The following MAP2 variants were observed in gnomAD, a reference collection of about 807,000 sequenced individuals.
The protein encoded by MAP2 is microtubule-associated protein 2.
MAP2 carries 14 observed loss-of-function variants against 137.6 expected under a neutral mutation model. That is an observed-to-expected ratio of 0.10 (90% CI 0.07 to 0.16). MAP2 has a LOEUF of 0.16. MAP2 is among the 10% of genes least tolerant of loss of function. MAP2 has a pLI of 1.00. For missense variants in MAP2, 2,088 were observed against 2,191.5 expected (o/e 0.95, Z 0.94); for synonymous variants, 786 against 782.3 (o/e 1.00, Z -0.08).
intron 13 of MAP2, among the ~76,000 whole-genome samples, chr2:209,725,326 T>A (rs1456852801): frequency 6.6e-6 from 1 of 152,226 alleles, no homozygotes; most frequent in Non-Finnish European, 1.5e-5. Flanking sequence ...GTCACTTTTA[T>A]GTAAAAATCA....
At chr2:209,539,673 C>G (rs2066553637) in intron 2 of MAP2, among the ~76,000 whole-genome samples, 1 of 151,896 alleles carries the variant, frequency 6.6e-6, no homozygotes, top group African/African-American at 2.4e-5. Flanking sequence ...TATATTTACA[C>G]TTACTAGTAA....
At chr2:209,507,003 T>C (rs1057370254) in intron 1 of MAP2, among the ~76,000 whole-genome samples, 1 of 152,190 alleles carries the variant, frequency 6.6e-6, no homozygotes, top group African/African-American at 2.4e-5. Context: ...CGCCTTCATA[T>C]GGCAGGCAGA....
intron 3 of MAP2, among the ~76,000 whole-genome samples, chr2:209,601,465 T>C (rs1399602507): frequency 2.0e-5 from 3 of 152,184 alleles, no homozygotes; most frequent in African/African-American, 7.2e-5. Context: ...GTTTTAAAGA[T>C]ATTGAATAGT....
intron 5 of MAP2, among the ~76,000 whole-genome samples, chr2:209,656,405 A>G (rs1268919723): frequency 6.6e-6 from 1 of 152,064 alleles, no homozygotes; most frequent in Non-Finnish European, 1.5e-5. Context: ...GCTACTCAAG[A>G]GGCAAAGGTG....
At chr2:209,545,912 G>T (rs1032418343) in intron 2 of MAP2, among the ~76,000 whole-genome samples, 2 of 152,126 alleles carry the variant, frequency 1.3e-5, no homozygotes, top group African/African-American at 4.8e-5. Flanking sequence ...AGGCCGAGGC[G>T]GGCGGATCAT....
intron 3 of MAP2, among the ~76,000 whole-genome samples, chr2:209,587,101 T>C (rs2153421135): frequency 6.6e-6 from 1 of 152,298 alleles, no homozygotes; most frequent in South Asian, 2.1e-4. Context: ...CGTGGTTCTA[T>C]ATAACCCTGT....
At chr2:209,646,069 C>G (rs2094403012) in intron 4 of MAP2, among the ~76,000 whole-genome samples, 1 of 152,082 alleles carries the variant, frequency 6.6e-6, no homozygotes, top group Non-Finnish European at 1.5e-5. Flanking sequence ...GCTGTAGTCC[C>G]AGCTACTTAA....
At chr2:209,457,477 T>G (rs1052545213) in intron 1 of MAP2, among the ~76,000 whole-genome samples, 9 of 152,218 alleles carry the variant, frequency 5.9e-5, no homozygotes, top group African/African-American at 2.2e-4. Context: ...TAAGGAAGTT[T>G]ATTCAGTTTA....
rs1553701657 is a variant in MAP2 at position 209,733,492 on chromosome 2, A to ACACACC, written c.*3096_*3097insACACCC. On this transcript the variant is annotated 3_prime_UTR_variant, in exon 16 of 16. Coordinates refer to ENST00000682079, the MANE Select transcript of MAP2 (RefSeq NM_001375505.1). ...CACACACACACACACACACACACAC[A>ACACACC]CCTACAGTAATACAGCAAGCGTGGA... is the stretch of plus-strand genomic sequence containing the variant. The ACACACC allele has an allele frequency of 1.3e-5, 2 of 150,586 alleles. No individual in the cohort carries two copies. Among genetic ancestry groups the ACACACC allele is most frequent in the African/African-American group, 4.9e-5 (2 of 40,962 alleles). 9.3% of individuals were successfully genotyped at this position (150,586 alleles called of 1,614,324 possible). A position where few individuals can be genotyped will look rare whatever the true frequency, so the allele number is the denominator to read the frequency against.
intron 1 of MAP2, among the ~76,000 whole-genome samples, chr2:209,499,251 A>G (rs1004847874): frequency 2.6e-5 from 4 of 152,142 alleles, no homozygotes; most frequent in Admixed American, 2.6e-4. Flanking sequence ...TAGGGTATGG[A>G]CACAATCCAG....
intron 13 of MAP2, among the ~76,000 whole-genome samples, chr2:209,712,771 C>T (rs573502133): frequency 1.3e-5 from 2 of 152,036 alleles, no homozygotes; most frequent in Non-Finnish European, 2.9e-5. Context: ...AACTGAAGAT[C>T]TTATAGAACG....
In MAP2 at chr2:209,730,701, G is replaced by A. The variant is rs2075673552; in HGVS notation, c.*304G>A. 3.4e-6 allele frequency: 1 copy of A among 297,890 alleles called. No homozygotes were observed. Among genetic ancestry groups the A allele is most frequent in the Non-Finnish European group, 6.4e-6 (1 of 155,548 alleles). The allele number at this position is 297,890 out of a possible 1,614,324, so 18.5% of individuals were successfully genotyped here. On this transcript the variant is annotated 3_prime_UTR_variant, in exon 16 of 16. Transcript: ENST00000682079. Reference sequence around the variant, plus strand: ...AAAATTGCATTTTTACCTTTCATGTGCCTGAAGGCTATCCACTACATTCTG... The same window carrying A: ...AAAATTGCATTTTTACCTTTCATGTACCTGAAGGCTATCCACTACATTCTG...
rs139884989 is a variant in MAP2 at position 209,491,507 on chromosome 2, G to A, written c.-221-16085G>A. Among the ~76,000 whole-genome samples, 136 of 152,246 alleles carry A rather than the reference G, an allele frequency of 8.9e-4. No individual in the cohort carries two copies. The Middle Eastern group carries it at 0.014, about 15-fold the overall frequency. ...CCTTCAAAAAAATCAGTGAATCCAG[G>A]AGCTAGTTTGTTTGAAAAGATTAAC... On this transcript the variant is annotated intron_variant, in intron 1 of 15. Coordinates refer to ENST00000682079, the MANE Select transcript of MAP2 (RefSeq NM_001375505.1).
Position 209,694,439 on chromosome 2 carries a change from C to T in MAP2, c.2269C>T (p.Pro757Ser). ...PATTPALEKA[P>S]CFPVESKEEE... The stretch of plus-strand genomic sequence containing the variant: ...CACCACACCTGCACTGGAGAAAGCC[C>T]CTTGCTTCCCTGTAGAAAGCAAAGA... The change falls in exon 8 of 16, where the codon CCT becomes TCT. Residue 757 changes from proline (P) to serine (S), a missense_variant. Transcript: ENST00000682079. The T allele has an allele frequency of 3.1e-6, 5 of 1,614,006 alleles. No individual in the cohort carries two copies. The highest frequency in any genetic ancestry group is 2.5e-6 in the Non-Finnish European group (3 of 1,179,970).
chr2:209,458,768 GGCATA>G (rs1702105926), intron 1 of MAP2, among the ~76,000 whole-genome samples: 1 of 152,132 alleles, frequency 6.6e-6, no homozygotes. Flanking sequence ...AGGTGTTTGA[GGCATA>G]CGATGCTCCC....
chr2:209,664,489 A>G (rs766589435), intron 5 of MAP2, among the ~76,000 whole-genome samples: 4 of 152,126 alleles, frequency 2.6e-5, no homozygotes, highest in Non-Finnish European at 5.9e-5. Context: ...GGTGGAGGTT[A>G]CAGTGAGTCA....
At chr2:209,652,341 A>G (rs1266011263) in intron 4 of MAP2, among the ~76,000 whole-genome samples, 2 of 152,206 alleles carry the variant, frequency 1.3e-5, no homozygotes, top group Non-Finnish European at 2.9e-5. Context: ...ATAAGATAGG[A>G]TGTAGGCCTA....
chr2:209,483,784 G>A (rs946321018), intron 1 of MAP2, among the ~76,000 whole-genome samples: 3 of 152,156 alleles, frequency 2.0e-5, no homozygotes, highest in African/African-American at 4.8e-5. Flanking sequence ...CAAGTCACAT[G>A]AGCATCTTTT....
intron 2 of MAP2, among the ~76,000 whole-genome samples, chr2:209,522,168 T>C (rs1048678146): frequency 6.6e-6 from 1 of 151,992 alleles, no homozygotes; most frequent in African/African-American, 2.4e-5. Flanking sequence ...CAGCTAGATC[T>C]CAGCTGTGAA....
Sources: gnomAD v4.1 joint callset for allele counts (sites outside exome capture counted in the v4.1 genomes callset) on GRCh38, gnomAD v4.1.1 for gene constraint, MANE v1.5 for transcripts, NCBI Gene and HGNC (gene_info 2026-07-23, HGNC 2026-07-21) for gene names.